Variants in PLEKHA8 observed in about 807,000 individuals in gnomAD.
PLEKHA8 encodes pleckstrin homology domain-containing family A member 8.
A neutral mutation model predicts 68.2 loss-of-function variants in PLEKHA8; 36 were observed. The ratio of observed to expected loss-of-function variants is 0.53; its 90% CI spans 0.40 to 0.70. The LOEUF is 0.70. PLEKHA8 is among the 30% of genes least tolerant of loss of function. The pLI, the probability that PLEKHA8 is intolerant of heterozygous loss-of-function variation, is 0.00. For missense variants in PLEKHA8, 505 were observed against 615.4 expected, an observed-to-expected ratio of 0.82 and a Z score of 1.90; for synonymous variants, 211 against 216.1, an observed-to-expected ratio of 0.98 and a Z score of 0.20.
At chr7:30,045,692 G>C (rs1296304098) in intron 2 of PLEKHA8, among the ~76,000 whole-genome samples, 1 of 151,806 alleles carries the variant, frequency 6.6e-6, no homozygotes, top group Non-Finnish European at 1.5e-5. Flanking sequence ...TTAGGTAGTG[G>C]ATGTGGGTGA....
intron 13 of PLEKHA8, among the ~76,000 whole-genome samples, chr7:30,102,460 A>G (rs1795888163): frequency 6.6e-6 from 1 of 152,230 alleles, no homozygotes. Flanking sequence ...ACTTGAGGAG[A>G]TACTTGTATG....
intron 13 of PLEKHA8, among the ~76,000 whole-genome samples, chr7:30,114,108 A>G (rs890676154): frequency 6.6e-6 from 1 of 152,120 alleles, no homozygotes; most frequent in African/African-American, 2.4e-5. Context: ...CATGTTGGCC[A>G]GGCTGGTCTT....
chr7:30,028,691 G>C lies in PLEKHA8; in HGVS notation c.-72G>C, dbSNP rs1051618894. On this transcript the variant is annotated 5_prime_UTR_variant, in exon 1 of 14. Coordinates refer to ENST00000449726, the MANE Select transcript of PLEKHA8 (RefSeq NM_001197026.2). ...AGCGCCAGGCGATGGCCCTGCTGCT[G>C]GTGCTCCTCGCCTCTTGGGGCCTGG... The C allele has an allele frequency of 7.2e-5, 82 of 1,144,880 alleles. No individual in the cohort carries two copies. The highest frequency in any genetic ancestry group is 9.0e-5 in the Non-Finnish European group (81 of 899,666). 70.9% of individuals were successfully genotyped at this position (1,144,880 alleles called of 1,614,324 possible).
downstream of PLEKHA8, among the ~76,000 whole-genome samples, chr7:30,087,636 G>T (rs1386633337): frequency 6.6e-6 from 1 of 152,196 alleles, no homozygotes; most frequent in Non-Finnish European, 1.5e-5. Context: ...GCTGTGCACA[G>T]CTATGCTTGA....
chr7:30,064,666 C>T (rs1326550079), intron 12 of PLEKHA8, among the ~76,000 whole-genome samples: 1 of 152,138 alleles, frequency 6.6e-6, no homozygotes, highest in Non-Finnish European at 1.5e-5. Flanking sequence ...AATAACCTGC[C>T]AGAAAATAAG....
In PLEKHA8 at chr7:30,078,630, C is replaced by T. The variant is rs1387510663; in HGVS notation, c.1403C>T (p.Ala468Val). 6.2e-7 allele frequency: 1 copy of T among 1,613,774 alleles called. No homozygotes were observed. Among genetic ancestry groups the T allele is most frequent in the Admixed American group, 1.7e-5 (1 of 59,944 alleles). ...RAAPSYEDFV[A>V]ALTVKEGDHQ... ...GCTCCATCCTATGAAGATTTTGTGG[C>T]CGCGTTAACCGTAAAGGAAGGTGAC... Residue 468 changes from alanine to valine, a missense_variant, in exon 14 of 14, where the codon GCC becomes GTC. Coordinates refer to ENST00000449726, the MANE Select transcript of PLEKHA8 (RefSeq NM_001197026.2).
intron 1 of PLEKHA8, among the ~76,000 whole-genome samples, chr7:30,041,858 G>A (rs1030813965): frequency 1.3e-5 from 2 of 151,910 alleles, no homozygotes; most frequent in African/African-American, 2.4e-5. Context: ...AAATCAAGAA[G>A]CATCTTAGAA....
intron 11 of PLEKHA8, 28 bp from the exon 12 acceptor site, chr7:30,062,644 T>C: frequency 6.5e-7 from 1 of 1,545,558 alleles, no homozygotes; most frequent in East Asian, 2.3e-5. Flanking sequence ...ACTTTGAAAA[T>C]AATATTTCTT....
intron 13 of PLEKHA8, among the ~76,000 whole-genome samples, chr7:30,100,231 A>G (rs1451806242): frequency 6.6e-6 from 1 of 152,132 alleles, no homozygotes; most frequent in Non-Finnish European, 1.5e-5. Flanking sequence ...GGTCACATTC[A>G]CAGGTACCAG....
intron 12 of PLEKHA8, among the ~76,000 whole-genome samples, chr7:30,089,760 G>A (rs1179360357): frequency 1.3e-5 from 2 of 152,114 alleles, no homozygotes; most frequent in Non-Finnish European, 2.9e-5. Context: ...TGCTCTCAGA[G>A]AACTTAGAAA....
At chr7:30,049,147 C>T in intron 4 of PLEKHA8, 77 bp from the exon 5 acceptor site, 2 of 1,556,018 alleles carry the variant, frequency 1.3e-6, no homozygotes, top group Non-Finnish European at 1.8e-6. Flanking sequence ...TTGTGGGCAA[C>T]CTCTAAGGAC....
chr7:30,056,742 AG>A lies in PLEKHA8; in HGVS notation c.1039+1401del, dbSNP rs1468766809. Among the ~76,000 whole-genome samples the A allele has an allele frequency of 9.3e-3, 693 of 74,718 alleles. 6 individuals carry two copies. Among genetic ancestry groups the A allele is most frequent in the East Asian group, 0.02 (40 of 1,992 alleles). 49.0% of individuals were successfully genotyped at this position (74,718 alleles called of 152,430 possible). A position where few individuals can be genotyped will look rare whatever the true frequency, so the allele number is the denominator to read the frequency against. Reference sequence around the variant, plus strand: ...CCTGTCTCAAAAAAAAAAAAAAAAAAGTGTGTGTGTGTGTGTGTGTGTGTGT... The same window carrying A: ...CCTGTCTCAAAAAAAAAAAAAAAAAATGTGTGTGTGTGTGTGTGTGTGTGT... On this transcript the variant is annotated intron_variant, in intron 9 of 13. Transcript: ENST00000449726.
At chr7:30,034,453 C>G (rs1348670822) in intron 1 of PLEKHA8, among the ~76,000 whole-genome samples, 1 of 152,142 alleles carries the variant, frequency 6.6e-6, no homozygotes, top group Non-Finnish European at 1.5e-5. Context: ...AAATCTTAAC[C>G]AGTAGCCTGC....
At chr7:30,118,746 T>G (rs1449498428) in intron 13 of PLEKHA8, among the ~76,000 whole-genome samples, 2 of 152,022 alleles carry the variant, frequency 1.3e-5, no homozygotes, top group Non-Finnish European at 1.5e-5. Context: ...CCTGGCTAAT[T>G]TTTTGTATTT....
In PLEKHA8 at chr7:30,055,269, T is replaced by G. The variant is rs1466028011; in HGVS notation, c.966T>G (p.Ile322Met). ...CCAAATTATGTAGCTTTAGTGACAT[T>G]GAACTTCTGGAAGACAGTGGCATTC... ...FSTMNTSFSDIELLEDSGIPT... is the reference protein window; with the variant it reads ...FSTMNTSFSDMELLEDSGIPT... Residue 322 changes from isoleucine to methionine, a missense_variant, in exon 9 of 14, where the codon ATT becomes ATG. Ile to Met is a conservative substitution (Grantham distance 10). Coordinates refer to ENST00000449726, the MANE Select transcript of PLEKHA8 (RefSeq NM_001197026.2). 1.2e-6 allele frequency: 2 copies of G among 1,613,994 alleles called. No individual in the cohort carries two copies. The highest frequency in any genetic ancestry group is 3.3e-5 in the Admixed American group (2 of 60,002).
At chr7:30,078,015 T>C (rs1484133054) in intron 13 of PLEKHA8, among the ~76,000 whole-genome samples, 3 of 152,180 alleles carry the variant, frequency 2.0e-5, no homozygotes, top group African/African-American at 4.8e-5. Context: ...AGGGTTCTTA[T>C]AAAGATCAGC....
intron 9 of PLEKHA8, among the ~76,000 whole-genome samples, chr7:30,059,855 G>C (rs1038806412): frequency 5.9e-5 from 9 of 152,196 alleles, no homozygotes; most frequent in Middle Eastern, 6.8e-3. Context: ...TTAAAACCTA[G>C]AATATCTAAA....
intron 13 of PLEKHA8, chr7:30,116,144 A>G (rs567773085): frequency 1.3e-4 from 20 of 151,492 alleles, no homozygotes; most frequent in Admixed American, 5.9e-4. Flanking sequence ...ATGTATACAT[A>G]CGCATACATA....
At position 30,078,749 on chromosome 7, in the gene PLEKHA8, T is replaced by G. The variant is rs267601477; in HGVS notation, c.1522T>G (p.Tyr508Asp). ...GCAGCTGGCCATACTGGACACTTTA[T>G]ATGAGGTCCACGGGCTGGAATCTGA... ...EKQLAILDTL[Y>D]EVHGLESDEV... is the part of the protein sequence containing the mutation. Residue 508 changes from tyrosine to aspartate, a missense_variant, in exon 14 of 14, where the codon TAT becomes GAT. Coordinates refer to ENST00000449726, the MANE Select transcript of PLEKHA8 (RefSeq NM_001197026.2). 6.2e-7 allele frequency: 1 copy of G among 1,613,542 alleles called. No individual in the cohort carries two copies. Among genetic ancestry groups the G allele is most frequent in the Non-Finnish European group, 8.5e-7 (1 of 1,179,570 alleles).
Sources: allele counts gnomAD v4.1 joint callset (sites outside exome capture counted in the v4.1 genomes callset), GRCh38; gene constraint gnomAD v4.1.1; transcripts MANE v1.5; gene names NCBI Gene and HGNC (gene_info 2026-07-23, HGNC 2026-07-21).